MAP7: variants seen among roughly 807,000 people sequenced by gnomAD.
MAP7 encodes the protein ensconsin.
In MAP7, 52 loss-of-function variants were observed where a neutral mutation model predicts 94.8. The ratio of observed to expected loss-of-function variants is 0.55; its 90% CI spans 0.44 to 0.69. The LOEUF (loss-of-function observed/expected upper bound fraction) is 0.69. Ranked by LOEUF, MAP7 falls within the 30% of genes least tolerant of loss-of-function variation. The pLI, the probability that MAP7 is intolerant of heterozygous loss-of-function variation, is 0.00. For missense variants in MAP7, 940 were observed against 964.6 expected (o/e 0.97, Z 0.34); for synonymous variants, 350 against 357.0 (o/e 0.98, Z 0.22).
intron 8 of MAP7, among the ~76,000 whole-genome samples, chr6:136,369,349 G>A (rs754762812): frequency 2.0e-5 from 3 of 152,212 alleles, no homozygotes; most frequent in Admixed American, 6.5e-5. Flanking sequence ...CGAGATGGGT[G>A]GATCGCTTGA....
intron 6 of MAP7, among the ~76,000 whole-genome samples, chr6:136,380,734 C>T (rs1056798355): frequency 1.3e-5 from 2 of 152,080 alleles, no homozygotes; most frequent in Non-Finnish European, 2.9e-5. Flanking sequence ...TTCTTTTAAC[C>T]AAAGTAATCT....
chr6:136,457,454 C>T (rs866865705), intron 1 of MAP7, among the ~76,000 whole-genome samples: 1 of 152,256 alleles, frequency 6.6e-6, no homozygotes, highest in African/African-American at 2.4e-5. Flanking sequence ...AGGGAACACT[C>T]TTGAACTCAA....
At chr6:136,453,456 A>T (rs1314028197) in intron 1 of MAP7, among the ~76,000 whole-genome samples, 1 of 152,226 alleles carries the variant, frequency 6.6e-6, no homozygotes, top group African/African-American at 2.4e-5. Context: ...CAGTCTTTAA[A>T]TTCTTTTATT....
chr6:136,519,897 G>C (rs1415474723), intron 1 of MAP7, among the ~76,000 whole-genome samples: 2 of 152,020 alleles, frequency 1.3e-5, no homozygotes, highest in African/African-American at 4.8e-5. Context: ...TGAATAGCAT[G>C]ACAGAAAACA....
intron 1 of MAP7, among the ~76,000 whole-genome samples, chr6:136,529,539 C>A (rs1443714560): frequency 4.6e-5 from 7 of 152,146 alleles, no homozygotes; most frequent in Non-Finnish European, 7.3e-5. Flanking sequence ...GGGCATGCAG[C>A]CCTCCAACAA....
intron 8 of MAP7, among the ~76,000 whole-genome samples, chr6:136,368,024 T>C (rs1256917144): frequency 6.6e-6 from 1 of 152,120 alleles, no homozygotes; most frequent in East Asian, 1.9e-4. Context: ...GCCTTGATAA[T>C]ACAGGGATCA....
chr6:136,451,732 G>A (rs570818496), intron 1 of MAP7, among the ~76,000 whole-genome samples: 1 of 152,244 alleles, frequency 6.6e-6, no homozygotes, highest in African/African-American at 2.4e-5. Flanking sequence ...CATGGCAGGA[G>A]GTCAAAAATG....
chr6:136,430,349 A>C (rs1794538181), intron 1 of MAP7, among the ~76,000 whole-genome samples: 2 of 152,228 alleles, frequency 1.3e-5, no homozygotes, highest in Admixed American at 1.3e-4. Context: ...ATGAAATAGA[A>C]AAGCTTTCAT....
chr6:136,408,933 G>A (rs926465838), intron 3 of MAP7, among the ~76,000 whole-genome samples: 9 of 151,394 alleles, frequency 5.9e-5, no homozygotes, highest in South Asian at 2.1e-4. Flanking sequence ...ATTTTTAAAC[G>A]GCTCTTTTAC....
chr6:136,390,254 C>T (rs1780324689), intron 3 of MAP7, among the ~76,000 whole-genome samples: 1 of 152,118 alleles, frequency 6.6e-6, no homozygotes, highest in Non-Finnish European at 1.5e-5. Flanking sequence ...CTAAAAATAT[C>T]TATGAGTTAT....
At chr6:136,443,748 C>T (rs1411484873) in intron 1 of MAP7, among the ~76,000 whole-genome samples, 1 of 152,082 alleles carries the variant, frequency 6.6e-6, no homozygotes, top group East Asian at 1.9e-4. Flanking sequence ...CCACGCCTGG[C>T]CCCCTTCTAC....
chr6:136,386,604 C>T (rs951592991), intron 5 of MAP7, among the ~76,000 whole-genome samples: 2 of 152,038 alleles, frequency 1.3e-5, no homozygotes, highest in African/African-American at 4.8e-5. Context: ...TATACCCTGC[C>T]AGGTTTACTG....
intron 3 of MAP7, among the ~76,000 whole-genome samples, chr6:136,390,655 A>AAAAC (rs912198469): frequency 2.6e-4 from 39 of 152,322 alleles, no homozygotes; most frequent in South Asian, 2.3e-3. Context: ...CTCTGTCTCA[A>AAAAC]AAACAAACAA....
At chr6:136,360,124 T>A in intron 13 of MAP7, 93 bp from the exon 14 acceptor site, 1 of 1,044,218 alleles carries the variant, frequency 9.6e-7, no homozygotes, top group Non-Finnish European at 1.4e-6. Flanking sequence ...TTTAAAATGG[T>A]CTGTTATTTT....
intron 1 of MAP7, among the ~76,000 whole-genome samples, chr6:136,453,259 A>G (rs536736535): frequency 2.4e-4 from 37 of 152,348 alleles, no homozygotes; most frequent in African/African-American, 8.9e-4. Context: ...TCTCGTGGGT[A>G]TAATTTCAAA....
intron 1 of MAP7, among the ~76,000 whole-genome samples, chr6:136,528,388 CTT>C (rs1240061082): frequency 6.6e-6 from 1 of 152,050 alleles, no homozygotes; most frequent in Non-Finnish European, 1.5e-5. Flanking sequence ...TATTATTTTT[CTT>C]TAATCAGATG....
intron 16 of MAP7, among the ~76,000 whole-genome samples, chr6:136,349,360 T>C (rs1409602018): frequency 6.6e-6 from 1 of 152,178 alleles, no homozygotes; most frequent in African/African-American, 2.4e-5. Flanking sequence ...AAAATCCATA[T>C]ATGTTATTAA....
chr6:136,449,113 G>A (rs1224745820), intron 1 of MAP7, among the ~76,000 whole-genome samples: 1 of 151,774 alleles, frequency 6.6e-6, no homozygotes, highest in Non-Finnish European at 1.5e-5. Flanking sequence ...TCGAGACCAC[G>A]GTGAAACCCC....
At position 136,507,550 on chromosome 6, in the gene MAP7, A is replaced by T. The variant is rs533274004; in HGVS notation, c.67+42792T>A. ...TTTCTTTTTAAATTTAAGAGAAGACATTTAAAAAAACACAAAATTTAGACA... is the reference window on the plus strand; with the variant it reads ...TTTCTTTTTAAATTTAAGAGAAGACTTTTAAAAAAACACAAAATTTAGACA... On this transcript the variant is annotated intron_variant, in intron 1 of 17. Transcript: ENST00000354570. 4.1e-4 allele frequency among the ~76,000 whole-genome samples: 63 copies of T among 152,170 alleles called. No individual in the cohort carries two copies. In the South Asian group the frequency reaches 0.012, roughly 28 times the overall value.
Sources: gnomAD v4.1 joint callset for allele counts (sites outside exome capture counted in the v4.1 genomes callset) on GRCh38, gnomAD v4.1.1 for gene constraint, MANE v1.5 for transcripts, NCBI Gene and HGNC (gene_info 2026-07-23, HGNC 2026-07-21) for gene names.